ADGRL3: variants seen among roughly 807,000 people sequenced by gnomAD.
The protein encoded by ADGRL3 is adhesion G protein-coupled receptor L3.
In ADGRL3, 62 loss-of-function variants were observed where a neutral mutation model predicts 153.5. The ratio of observed to expected loss-of-function variants is 0.40; its 90% CI spans 0.33 to 0.50. The LOEUF is 0.50. Ranked by LOEUF, ADGRL3 falls within the 20% of genes least tolerant of loss-of-function variation. The probability of loss-of-function intolerance (pLI) is 0.47; values close to 1 mark genes in which losing one functional copy is unlikely to be tolerated. For synonymous variants in ADGRL3, 710 were observed against 672.5 expected (o/e 1.06, Z -0.86); for missense variants, 1,641 against 1,859.4 (o/e 0.88, Z 2.16).
chr4:61,848,085 T>C (rs2098158077), intron 9 of ADGRL3, among the ~76,000 whole-genome samples: 1 of 96,646 alleles, frequency 1.0e-5, no homozygotes, highest in East Asian at 2.7e-4. Context: ...ATATTATATA[T>C]ATAATATAAA....
At chr4:61,949,004 G>T (rs1053202101) in intron 17 of ADGRL3, among the ~76,000 whole-genome samples, 1 of 149,626 alleles carries the variant, frequency 6.7e-6, no homozygotes, top group African/African-American at 2.5e-5. Context: ...GGAGGCCTAG[G>T]TCAGGAAACT....
At chr4:61,951,263 A>G (rs369119590) in intron 17 of ADGRL3, among the ~76,000 whole-genome samples, 13 of 152,242 alleles carry the variant, frequency 8.5e-5, no homozygotes, top group Admixed American at 6.5e-4. Context: ...CCAAAGACAC[A>G]CAATCTGAAC....
chr4:61,979,434 T>C (rs1225845127), intron 17 of ADGRL3, 129 bp from the exon 18 acceptor site: 1 of 747,504 alleles, frequency 1.3e-6, no homozygotes, highest in African/African-American at 1.7e-5. Flanking sequence ...TTAAGTTACT[T>C]TATTCATTGT....
chr4:61,922,879 T>C (rs1013082604), intron 13 of ADGRL3, among the ~76,000 whole-genome samples: 1 of 152,140 alleles, frequency 6.6e-6, no homozygotes, highest in Non-Finnish European at 1.5e-5. Flanking sequence ...AAAATAAGAT[T>C]GCAGAAATGC....
rs573856069 is a variant in ADGRL3 at position 61,997,268 on chromosome 4, G to A, written c.3304-906G>A. Reference sequence around the variant, plus strand: ...ACAGAAAAAAAAAAAAAAAGGAAAGGTAAGAGCAAATAGTGGAAAGACCAT... The same window carrying A: ...ACAGAAAAAAAAAAAAAAAGGAAAGATAAGAGCAAATAGTGGAAAGACCAT... On this transcript the variant is annotated intron_variant, in intron 20 of 26. Coordinates refer to ENST00000683033, the MANE Select transcript of ADGRL3 (RefSeq NM_001387552.1). 9.3e-5 allele frequency among the ~76,000 whole-genome samples: 14 copies of A among 151,270 alleles called. No homozygotes were observed. In the East Asian group the frequency reaches 1.8e-3, roughly 19 times the overall value.
intron 8 of ADGRL3, among the ~76,000 whole-genome samples, chr4:61,805,944 CAG>C (rs971052727): frequency 2.3e-3 from 346 of 152,296 alleles, no homozygotes; most frequent in African/African-American, 7.8e-3. Flanking sequence ...CTCAATTAAA[CAG>C]AATTAGTTGC....
intron 1 of ADGRL3, among the ~76,000 whole-genome samples, chr4:61,311,663 G>A (rs556754794): frequency 3.3e-5 from 5 of 152,280 alleles, no homozygotes; most frequent in Admixed American, 3.3e-4. Flanking sequence ...AATGAAGTAG[G>A]AGGACTGACA....
intron 25 of ADGRL3, among the ~76,000 whole-genome samples, chr4:62,066,714 A>G (rs1463914565): frequency 6.6e-6 from 1 of 152,136 alleles, no homozygotes; most frequent in Admixed American, 6.6e-5. Context: ...AGAACAGAAT[A>G]TAGTGAAGAA....
chr4:61,998,358 A>G lies in ADGRL3; in HGVS notation c.3395+93A>G, dbSNP rs550674050. The G allele has an allele frequency of 5.8e-5, 34 of 585,620 alleles. No homozygotes were observed. In the South Asian group the frequency reaches 9.4e-4, roughly 16 times the overall value. 36.3% of individuals were successfully genotyped at this position (585,620 alleles called of 1,614,324 possible). A position where few individuals can be genotyped will look rare whatever the true frequency, so the allele number is the denominator to read the frequency against. ...TATATCAAAATCTTATGACAAAAGG[A>G]TAAAGAATATGGGTGTATTGTCTTT... On this transcript the variant is annotated intron_variant, in intron 21 of 26. Transcript: ENST00000683033.
intron 1 of ADGRL3, among the ~76,000 whole-genome samples, chr4:61,363,608 C>G (rs1204555185): frequency 6.6e-6 from 1 of 152,126 alleles, no homozygotes; most frequent in Non-Finnish European, 1.5e-5. Context: ...GATTCATCAT[C>G]TGTTAAATGG....
At chr4:61,478,620 G>A (rs1456192589) in intron 2 of ADGRL3, among the ~76,000 whole-genome samples, 1 of 151,926 alleles carries the variant, frequency 6.6e-6, no homozygotes, top group East Asian at 1.9e-4. Context: ...CAAAATCTGG[G>A]CAATCCAATA....
intron 9 of ADGRL3, among the ~76,000 whole-genome samples, chr4:61,855,046 T>C (rs2098247236): frequency 6.6e-6 from 1 of 152,094 alleles, no homozygotes; most frequent in Non-Finnish European, 1.5e-5. Context: ...GACAACTGAA[T>C]ATAATGTAGT....
chr4:61,805,864 C>T (rs2097547512), intron 8 of ADGRL3, among the ~76,000 whole-genome samples: 1 of 152,158 alleles, frequency 6.6e-6, no homozygotes, highest in Non-Finnish European at 1.5e-5. Context: ...TTTTTAAGAA[C>T]TCCATGAATG....
Position 62,070,158 on chromosome 4 carries a change from A to G in ADGRL3, c.3882A>G (p.Pro1294=). ...ATACAAGTGTCATGGATACTCTACCACTGAATGGTAACCATGGCAATAGTT... is the reference window on the plus strand; with the variant it reads ...ATACAAGTGTCATGGATACTCTACCGCTGAATGGTAACCATGGCAATAGTT... ...ARDTSVMDTL[P]LNGNHGNSYS... The change falls in exon 27 of 27, where the codon CCA becomes CCG. Residue 1294 remains proline (P), a synonymous_variant. Transcript: ENST00000683033. The G allele has an allele frequency of 6.2e-7, 1 of 1,614,016 alleles. No individual in the cohort carries two copies. Among genetic ancestry groups the G allele is most frequent in the Non-Finnish European group, 8.5e-7 (1 of 1,179,996 alleles).
intron 21 of ADGRL3, among the ~76,000 whole-genome samples, chr4:62,008,124 G>A (rs1251122339): frequency 1.3e-5 from 2 of 152,062 alleles, no homozygotes; most frequent in Admixed American, 6.6e-5. Flanking sequence ...AGAATGGGAG[G>A]GGAGGAGTTA....
chr4:61,566,915 C>T (rs2098818659), intron 4 of ADGRL3, among the ~76,000 whole-genome samples: 1 of 152,044 alleles, frequency 6.6e-6, no homozygotes, highest in African/African-American at 2.4e-5. Flanking sequence ...TAGAATTACC[C>T]ATATTGTCTC....
intron 1 of ADGRL3, among the ~76,000 whole-genome samples, chr4:61,288,854 A>T (rs13143844): frequency 0.14 from 21,197 of 151,918 alleles, 1,500 homozygotes; most frequent in East Asian, 0.2. Context: ...CTAAATTTTT[A>T]GGACAGTGCC....
chr4:61,308,174 G>C (rs956438268), intron 1 of ADGRL3, among the ~76,000 whole-genome samples: 2 of 152,138 alleles, frequency 1.3e-5, no homozygotes, highest in African/African-American at 4.8e-5. Context: ...GAGGGGTGAC[G>C]ATCATGCGTT....
At chr4:61,393,670 A>G (rs2096838401) in intron 2 of ADGRL3, among the ~76,000 whole-genome samples, 1 of 152,136 alleles carries the variant, frequency 6.6e-6, no homozygotes, top group Non-Finnish European at 1.5e-5. Context: ...AGAAAAGGAG[A>G]CATTAAAAAT....
Sources: allele counts gnomAD v4.1 joint callset (sites outside exome capture counted in the v4.1 genomes callset), GRCh38; gene constraint gnomAD v4.1.1; transcripts MANE v1.5; gene names NCBI Gene and HGNC (gene_info 2026-07-23, HGNC 2026-07-21).